The following LYST variants were observed in gnomAD, a reference collection of about 807,000 sequenced individuals.
LYST encodes lysosomal trafficking regulator, also known as lysosomal-trafficking regulator.
A neutral mutation model predicts 413.6 loss-of-function variants in LYST; 192 were observed. The ratio of observed to expected loss-of-function variants is 0.46; its 90% CI spans 0.41 to 0.52. LYST has a LOEUF of 0.52. Ranked by LOEUF, LYST falls within the 20% of genes least tolerant of loss-of-function variation. The pLI is 0.00. For missense variants in LYST, 3,815 were observed against 4,499.9 expected (o/e 0.85, Z 4.35); for synonymous variants, 1,525 against 1,567.3 (o/e 0.97, Z 0.64).
chr1:235,788,544 A>G (rs1441663588), intron 13 of LYST, among the ~76,000 whole-genome samples, 157 bp downstream of exon 13: 2 of 152,226 alleles, frequency 1.3e-5, no homozygotes, highest in African/African-American at 4.8e-5. Flanking sequence ...ACACTATTAT[A>G]AAAGTGGTAT....
At chr1:235,821,612 G>GA (rs1190787591) in intron 3 of LYST, among the ~76,000 whole-genome samples, 3 of 152,096 alleles carry the variant, frequency 2.0e-5, no homozygotes, top group Admixed American at 2.0e-4. Flanking sequence ...AGTTTTTCTT[G>GA]AATTAGACCA....
chr1:235,861,611 A>C (rs902276259), intron 1 of LYST, among the ~76,000 whole-genome samples: 1 of 152,166 alleles, frequency 6.6e-6, no homozygotes, highest in African/African-American at 2.4e-5. Flanking sequence ...CTGGTTCTTA[A>C]AGTGTAGACC....
chr1:235,804,735 TAATA>T (rs780375232), intron 6 of LYST, 70 bp from the exon 7 acceptor site: 196 of 916,342 alleles, frequency 2.1e-4, no homozygotes, highest in Middle Eastern at 8.9e-4. Context: ...AAAAAATAAA[TAATA>T]AATATTTACT....
At chr1:235,692,338 A>C (rs768899960) in intron 47 of LYST, among the ~76,000 whole-genome samples, 4 of 151,198 alleles carry the variant, frequency 2.6e-5, no homozygotes, top group Non-Finnish European at 4.4e-5. Context: ...ATCTCATAAC[A>C]AACCAACCAA....
Position 235,759,090 on chromosome 1 carries a change from C to T in LYST, c.6763G>A (p.Gly2255Arg), listed in dbSNP as rs1451684912. Residue 2255 changes from glycine to arginine, a missense_variant, in exon 23 of 53, where the codon GGA (glycine) becomes AGA (arginine). Physicochemically the swap from Gly to Arg is moderately radical, Grantham distance 125. This residue lies in a region of LYST where 771 missense variants were observed against 837.1 expected (regional missense o/e 0.92). Transcript: ENST00000389793. ...GGCCAACGGCCAACAGCTGCAGATC[C>T]GTTCTGTGAAGGAAAAGCTAGCCCA... ...SLGLAFPSQNGSAAVGRWPSL... is the reference protein window; with the variant it reads ...SLGLAFPSQNRSAAVGRWPSL... 7.4e-6 allele frequency: 12 copies of T among 1,614,180 alleles called. No individual in the cohort carries two copies. Among genetic ancestry groups the T allele is most frequent in the South Asian group, 4.4e-5 (4 of 91,086 alleles).
intron 1 of LYST, among the ~76,000 whole-genome samples, chr1:235,844,186 T>G (rs555436515): frequency 6.6e-6 from 1 of 152,168 alleles, no homozygotes; most frequent in Non-Finnish European, 1.5e-5. Context: ...TTAATATATA[T>G]TGATAGATTG....
At chr1:235,857,595 C>A (rs1399411353) in intron 1 of LYST, among the ~76,000 whole-genome samples, 1 of 151,822 alleles carries the variant, frequency 6.6e-6, no homozygotes, top group African/African-American at 2.4e-5. Flanking sequence ...AAAGAAGAAT[C>A]CAGCCAATGA....
At chr1:235,669,541 C>T (rs1448957272) in intron 50 of LYST, among the ~76,000 whole-genome samples, 1 of 152,218 alleles carries the variant, frequency 6.6e-6, no homozygotes, top group Non-Finnish European at 1.5e-5. Flanking sequence ...AAAAAGCAAT[C>T]AGATGTTTCC....
At chr1:235,819,265 T>C (rs977890089) in intron 3 of LYST, among the ~76,000 whole-genome samples, 2 of 152,196 alleles carry the variant, frequency 1.3e-5, no homozygotes, top group East Asian at 1.9e-4. Flanking sequence ...TCTGGGTGCA[T>C]TACTTTTTTA....
chr1:235,834,517 C>T (rs996601695), intron 1 of LYST, among the ~76,000 whole-genome samples: 3 of 151,888 alleles, frequency 2.0e-5, no homozygotes, highest in East Asian at 1.9e-4. Context: ...GGATTACAGG[C>T]GTGAGCCACT....
chr1:235,861,561 A>G (rs1167658543), intron 1 of LYST, among the ~76,000 whole-genome samples: 1 of 152,260 alleles, frequency 6.6e-6, no homozygotes, highest in Non-Finnish European at 1.5e-5. Context: ...TTTAAGATAT[A>G]TTTAGGTTGA....
intron 1 of LYST, among the ~76,000 whole-genome samples, chr1:235,866,290 G>C (rs969385209): frequency 1.3e-5 from 2 of 152,156 alleles, no homozygotes; most frequent in Admixed American, 6.5e-5. Flanking sequence ...GGGTGTCACG[G>C]ACAGGAGGAA....
chr1:235,743,856 G>A, intron 30 of LYST, 123 bp downstream of exon 30: 3 of 625,512 alleles, frequency 4.8e-6, no homozygotes, highest in African/African-American at 1.8e-5. Flanking sequence ...AGTTGTCCGA[G>A]TTTTAAAAAG....
chr1:235,806,971 C>T (rs1463913647), intron 5 of LYST, among the ~76,000 whole-genome samples, 199 bp from the exon 6 acceptor site: 3 of 152,090 alleles, frequency 2.0e-5, no homozygotes, highest in Admixed American at 6.6e-5. Flanking sequence ...CTCTGATATC[C>T]TTCTTCAAAC....
At chr1:235,693,573 G>C in intron 46 of LYST, 87 bp from the exon 47 acceptor site, 5 of 1,400,300 alleles carry the variant, frequency 3.6e-6, no homozygotes, top group Middle Eastern at 3.9e-4. Flanking sequence ...AAAGGGTGAA[G>C]TTTACATAGC....
At chr1:235,871,301 C>T (rs1051919334), upstream of LYST, among the ~76,000 whole-genome samples, 1 of 152,168 alleles carries the variant, frequency 6.6e-6, no homozygotes, top group Non-Finnish European at 1.5e-5. Flanking sequence ...CAGAGGCGTC[C>T]TAACTAGAGC....
rs756826964 is a variant in LYST, at chr1:235,806,014, A to C, written c.3122T>G (p.Leu1041Trp). ...KRTMKEDLLS[L>W]AIKSDPIPSE... The stretch of plus-strand genomic sequence containing the variant: ...TGGTATGGGGTCACTTTTTATAGCC[A>C]AAGATAATAAATCTTCCTTCATAGT... Residue 1041 changes from leucine (L) to tryptophan (W), a missense_variant, in exon 6 of 53, where the codon TTG becomes TGG. Physicochemically the swap from Leu to Trp is moderately conservative, Grantham distance 61 (BLOSUM62 -2). This residue lies in a region of LYST where 1,648 missense variants were observed against 1,810.3 expected (regional missense o/e 0.91). Transcript: ENST00000389793. The C allele has an allele frequency of 6.2e-7, 1 of 1,614,004 alleles. No homozygotes were observed. The highest frequency in any genetic ancestry group is 8.5e-7 in the Non-Finnish European group (1 of 1,179,954).
intron 28 of LYST, among the ~76,000 whole-genome samples, chr1:235,749,669 G>C (rs867512745): frequency 2.0e-5 from 3 of 152,078 alleles, no homozygotes; most frequent in African/African-American, 7.2e-5. Flanking sequence ...CATTTACTTA[G>C]AGTGAAAAAG....
chr1:235,742,025 G>A (rs1558176116), intron 30 of LYST, among the ~76,000 whole-genome samples: 1 of 152,150 alleles, frequency 6.6e-6, no homozygotes, highest in African/African-American at 2.4e-5. Flanking sequence ...GACAAATATT[G>A]TATGCTTCTA....
Sources: allele counts gnomAD v4.1 joint callset (sites outside exome capture counted in the v4.1 genomes callset), GRCh38; gene constraint gnomAD v4.1.1; regional missense constraint gnomAD v4.1.1; transcripts MANE v1.5; gene names NCBI Gene and HGNC (gene_info 2026-07-23, HGNC 2026-07-21).